Variants in DTX2 observed in about 807,000 individuals in gnomAD.
The protein encoded by DTX2 is probable E3 ubiquitin-protein ligase DTX2.
A neutral mutation model predicts 55.3 loss-of-function variants in DTX2; 29 were observed. The observed-to-expected ratio is 0.52, with a 90% CI of 0.39 to 0.71. The LOEUF (loss-of-function observed/expected upper bound fraction) is 0.71. Among genes scored for constraint, DTX2 ranks in the 30% least tolerant of loss-of-function variants. The probability of loss-of-function intolerance (pLI) is 0.00; values close to 1 mark genes in which losing one functional copy is unlikely to be tolerated. For missense variants in DTX2, 537 were observed against 822.5 expected, an observed-to-expected ratio of 0.65 and a Z score of 4.25; for synonymous variants, 276 against 340.4, an observed-to-expected ratio of 0.81 and a Z score of 2.08.
At chr7:76,497,754 G>T (rs1799172) in intron 6 of DTX2, among the ~76,000 whole-genome samples, 91,012 of 145,812 alleles carry the variant, frequency 0.62, 29,045 homozygotes, top group African/African-American at 0.73. Context: ...TAAGCAACAA[G>T]TTGTGGGTGA....
rs1276009022 is a variant in DTX2, at chr7:76,502,457, G to A, written c.1389+1G>A. 4.3e-6 allele frequency: 7 copies of A among 1,610,908 alleles called. No homozygotes were observed. The highest frequency in any genetic ancestry group is 5.9e-6 in the Non-Finnish European group (7 of 1,179,496). ...GGCCATGTACTGCAACGGCAATAAGGTGCCCCCACTGGCCCAGGGCGGAGG... is the reference window on the plus strand; with the variant it reads ...GGCCATGTACTGCAACGGCAATAAGATGCCCCCACTGGCCCAGGGCGGAGG... On this transcript the variant is annotated splice_donor_variant, in intron 8 of 10. Coordinates refer to ENST00000430490, the MANE Select transcript of DTX2 (RefSeq NM_001102594.3). LOFTEE classifies it high-confidence loss of function.
chr7:76,468,758 ATTTTTT>A (rs3972784), intron 2 of DTX2, among the ~76,000 whole-genome samples: 1 of 27,044 alleles, frequency 3.7e-5, no homozygotes, highest in Admixed American at 5.3e-4. Context: ...CACGCCCAGC[ATTTTTT>A]TTTTTTTTTT....
At position 76,502,488 on chromosome 7, in the gene DTX2, G is replaced by A. The variant is rs1418087529; in HGVS notation, c.1389+32G>A. 4 of 1,604,492 alleles carry A rather than the reference G, an allele frequency of 2.5e-6. No homozygotes were observed. In the South Asian group the frequency reaches 3.3e-5, roughly 13 times the overall value. On this transcript the variant is annotated intron_variant, in intron 8 of 10. Transcript: ENST00000430490. ...CCACTGGCCCAGGGCGGAGGCGGGTGGCCCGCCCCCACAGTCCTGAGCTGT... is the reference window on the plus strand; with the variant it reads ...CCACTGGCCCAGGGCGGAGGCGGGTAGCCCGCCCCCACAGTCCTGAGCTGT...
rs1584173153 is a variant in DTX2 at position 76,480,721 on chromosome 7, C to T, written c.212C>T (p.Ser71Leu). 5.0e-6 allele frequency: 8 copies of T among 1,613,360 alleles called. No individual in the cohort carries two copies. Among genetic ancestry groups the T allele is most frequent in the Middle Eastern group, 1.7e-4 (1 of 5,950 alleles). Residue 71 changes from serine to leucine, a missense_variant, in exon 3 of 11, where the codon TCG becomes TTG. By Grantham distance (145) the Ser-to-Leu change is moderately radical (BLOSUM62 -2). Around this residue, in one of 7 missense-constraint regions of DTX2, gnomAD observed 301 missense variants for 396.6 expected, o/e 0.76. Transcript: ENST00000430490. ...ATCCCCTTGGGCCAGGCAGACCCCT[C>T]GCTGGCCCCTTACATTATTGACCTC... ...HSIPLGQADP[S>L]LAPYIIDLPS...
At chr7:76,464,286 C>T (rs1475264042) in intron 2 of DTX2, among the ~76,000 whole-genome samples, 33 of 149,886 alleles carry the variant, frequency 2.2e-4, no homozygotes, top group African/African-American at 1.5e-4. Context: ...ATGAAGCTAC[C>T]GGGACACAGC....
In DTX2 at chr7:76,482,532, A is replaced by G; in HGVS notation, c.293A>G (p.His98Arg). The change falls in exon 4 of 11, where the codon CAC becomes CGC. Residue 98 changes from histidine (H) to arginine (R), a missense_variant. His to Arg is a conservative substitution (Grantham distance 29). Coordinates refer to ENST00000430490, the MANE Select transcript of DTX2 (RefSeq NM_001102594.3). ...GGCACCATGCGGGCTGTGCGGAGAC[A>G]CCTGTTCCCCCAGCACTCAGCCCCT... ...DTGTMRAVRR[H>R]LFPQHSAPGR... The G allele has an allele frequency of 6.2e-7, 1 of 1,607,824 alleles. No homozygotes were observed. Among genetic ancestry groups the G allele is most frequent in the Middle Eastern group, 1.7e-4 (1 of 6,016 alleles).
At position 76,491,624 on chromosome 7, in the gene DTX2, CT is replaced by C. The variant is rs1324200768; in HGVS notation, c.909-520del. 8.4e-4 allele frequency among the ~76,000 whole-genome samples: 62 copies of C among 74,030 alleles called. 14 individuals are homozygous for C. Among genetic ancestry groups the C allele is most frequent in the East Asian group, 1.4e-3 (4 of 2,838 alleles). 48.6% of individuals were successfully genotyped at this position (74,030 alleles called of 152,430 possible). A position where few individuals can be genotyped will look rare whatever the true frequency, so the allele number is the denominator to read the frequency against. ...GATGACACTAGTGAGTATAAAATAT[CT>C]TTTTTTTTCTTTTTATTTTCTTTAT... is the stretch of plus-strand genomic sequence containing the variant. On this transcript the variant is annotated intron_variant, in intron 4 of 10. Coordinates refer to ENST00000430490, the MANE Select transcript of DTX2 (RefSeq NM_001102594.3).
Position 76,505,562 on chromosome 7 carries a change from T to C in DTX2, c.1830T>C (p.Ala610=). The change falls in exon 11 of 11, where the codon GCT becomes GCC. Residue 610 remains alanine (A), a synonymous_variant. Coordinates refer to ENST00000430490, the MANE Select transcript of DTX2 (RefSeq NM_001102594.3). The surrounding 1 kb of genome is among the most constrained non-coding windows in gnomAD (Gnocchi z 4.4). ...TGCAGAACGTGCTGGCTGAGCTGGC[T>C]GCCCAGGGGGTGACCGAGGACTGCC... ...NYLQNVLAEL[A]AQGVTEDCLE... is the part of the protein sequence containing the mutation. The C allele has an allele frequency of 6.2e-7, 1 of 1,600,634 alleles. No homozygotes were observed. The highest frequency in any genetic ancestry group is 2.3e-5 in the East Asian group (1 of 44,398).
At chr7:76,492,001 A>T in intron 4 of DTX2, 152 bp from the exon 5 acceptor site, 1 of 530,232 alleles carries the variant, frequency 1.9e-6, no homozygotes, top group Non-Finnish European at 3.4e-6. Context: ...GCCCAGGAAA[A>T]CAAAACCAAA....
chr7:76,465,573 G>A (rs1157365828), intron 2 of DTX2, among the ~76,000 whole-genome samples: 3 of 122,382 alleles, frequency 2.5e-5, no homozygotes, highest in East Asian at 2.9e-4. Context: ...GCACTTATTT[G>A]TTTTTTTGTT....
chr7:76,467,977 G>A (rs1475606539), intron 2 of DTX2, among the ~76,000 whole-genome samples: 3 of 152,290 alleles, frequency 2.0e-5, no homozygotes, highest in South Asian at 2.1e-4. Flanking sequence ...TGAGGGGCTC[G>A]GGCAGGGCAT....
At chr7:76,499,998 T>C (rs866674960) in intron 6 of DTX2, 24 of 386,188 alleles carry the variant, frequency 6.2e-5, no homozygotes, top group African/African-American at 4.1e-4. Flanking sequence ...CAGACTCCCT[T>C]GTCCCTGTGA....
rs577518480 is a variant in DTX2, at chr7:76,483,129, C to A, written c.890C>A (p.Ser297Tyr). ...CCGCAGCACCTGCCCCCAGGATCCT[C>A]CACCTCCGGTGCAGTCAGGTATCGT... ...LGPQHLPPGS[S>Y]TSGAVSASLP... Residue 297 changes from serine to tyrosine, a missense_variant, in exon 4 of 11, where the codon TCC becomes TAC. Physicochemically the swap from Ser to Tyr is moderately radical, Grantham distance 144. Coordinates refer to ENST00000430490, the MANE Select transcript of DTX2 (RefSeq NM_001102594.3). 6 of 1,611,810 alleles carry A rather than the reference C, an allele frequency of 3.7e-6. No homozygotes were observed. The highest frequency in any genetic ancestry group is 1.3e-5 in the African/African-American group (1 of 75,054).
chr7:76,493,875 G>T lies in DTX2; in HGVS notation c.1009+1622G>T, dbSNP rs1439416504. Among the ~76,000 whole-genome samples, 3 of 122,702 alleles carry T rather than the reference G, an allele frequency of 2.4e-5. No individual in the cohort carries two copies. In the East Asian group the frequency reaches 7.1e-4, roughly 29 times the overall value. 80.5% of individuals were successfully genotyped at this position (122,702 alleles called of 152,430 possible). A position where few individuals can be genotyped will look rare whatever the true frequency, so the allele number is the denominator to read the frequency against. On this transcript the variant is annotated intron_variant, in intron 5 of 10. Transcript: ENST00000430490. ...TGCAGCCAGTCACAACTGAGGAGCA[G>T]CCTGGGGCTTGGCGTGTGTGAATTC...
chr7:76,493,847 G>A (rs1230196106), intron 5 of DTX2, among the ~76,000 whole-genome samples: 1 of 125,158 alleles, frequency 8.0e-6, no homozygotes, highest in Non-Finnish European at 1.8e-5. Context: ...AGGCCTGCTG[G>A]AGTGCAGCCA....
chr7:76,502,268 C>T (rs1381157110), intron 7 of DTX2, 30 bp from the exon 8 acceptor site: 10 of 1,579,394 alleles, frequency 6.3e-6, no homozygotes, highest in African/African-American at 4.0e-5. Context: ...CCACTGTTGG[C>T]GAGCATGACC....
chr7:76,483,800 TC>T (rs1416440458), intron 4 of DTX2, among the ~76,000 whole-genome samples: 1 of 150,386 alleles, frequency 6.6e-6, no homozygotes, highest in Non-Finnish European at 1.5e-5. Flanking sequence ...ACACCTTTAA[TC>T]CCAGCACTTT....
chr7:76,493,803 C>T (rs1385708866), intron 5 of DTX2, among the ~76,000 whole-genome samples: 3 of 109,204 alleles, frequency 2.7e-5, no homozygotes, highest in African/African-American at 1.0e-4. Context: ...AGCCGTCAGG[C>T]GGGGGGTTGT....
chr7:76,468,758 A>ATTTTTTT lies in DTX2; in HGVS notation c.-90+5065_-90+5071dup, dbSNP rs3972784. Among the ~76,000 whole-genome samples, 243 of 27,018 alleles carry ATTTTTTT rather than the reference A, an allele frequency of 9.0e-3. 13 individuals carry two copies. Among genetic ancestry groups the ATTTTTTT allele is most frequent in the Middle Eastern group, 0.062 (1 of 16 alleles). The allele number at this position is 27,018 out of a possible 152,430, so 17.7% of individuals were successfully genotyped here. A position where few individuals can be genotyped will look rare whatever the true frequency, so the allele number is the denominator to read the frequency against. On this transcript the variant is annotated intron_variant, in intron 2 of 10. Transcript: ENST00000430490. ...ATAGGCGTGAGCCACCACGCCCAGC[A>ATTTTTTT]TTTTTTTTTTTTTTTTTTTTTTGAG... is the stretch of plus-strand genomic sequence containing the variant.
Sources: gnomAD v4.1 joint callset for allele counts (sites outside exome capture counted in the v4.1 genomes callset) on GRCh38, gnomAD v4.1.1 for gene constraint, gnomAD v4.1.1 regional missense constraint, Gnocchi (gnomAD v3.1) non-coding constraint, MANE v1.5 for transcripts, NCBI Gene and HGNC (gene_info 2026-07-23, HGNC 2026-07-21) for gene names.